PCCB: variants seen among roughly 807,000 people sequenced by gnomAD.
PCCB encodes the protein propionyl-CoA carboxylase beta chain, mitochondrial.
In PCCB, 43 loss-of-function variants were observed where a neutral mutation model predicts 60.7. The observed-to-expected ratio is 0.71, with a 90% confidence interval of 0.55 to 0.91. The LOEUF is 0.91. PCCB is among the 40% of genes least tolerant of loss of function. The probability of loss-of-function intolerance (pLI) is 0.00; values close to 1 mark genes in which losing one functional copy is unlikely to be tolerated. For synonymous variants in PCCB, 276 were observed against 255.9 expected (o/e 1.08, Z -0.75); for missense variants, 766 against 702.8 (o/e 1.09, Z -1.02).
chr3:136,260,881 A>G (rs533638702), intron 4 of PCCB, among the ~76,000 whole-genome samples: 3 of 152,330 alleles, frequency 2.0e-5, no homozygotes, highest in East Asian at 1.9e-4. Context: ...CGTAATTTCA[A>G]AGTAGTCAAA....
At chr3:136,263,295 T>C (rs1030136535) in intron 5 of PCCB, among the ~76,000 whole-genome samples, 7 of 138,128 alleles carry the variant, frequency 5.1e-5, no homozygotes, top group African/African-American at 8.3e-5. Flanking sequence ...TTAGAGACAG[T>C]GTCTTGGTTG....
chr3:136,261,037 C>T (rs925333319), intron 4 of PCCB, among the ~76,000 whole-genome samples: 7 of 152,066 alleles, frequency 4.6e-5, no homozygotes, highest in Admixed American at 2.6e-4. Flanking sequence ...GATCAGCTAG[C>T]GTTAGTAAAG....
intron 6 of PCCB, among the ~76,000 whole-genome samples, chr3:136,288,993 G>T (rs1331034737): frequency 1.3e-5 from 2 of 151,882 alleles, no homozygotes; most frequent in Non-Finnish European, 2.9e-5. Context: ...GTAGAGACAG[G>T]GTTTCACCAT....
At chr3:136,268,804 G>T (rs1274911559) in intron 5 of PCCB, among the ~76,000 whole-genome samples, 1 of 152,112 alleles carries the variant, frequency 6.6e-6, no homozygotes, top group Non-Finnish European at 1.5e-5. Flanking sequence ...GCTGAGATTT[G>T]ATAGGAACTG....
chr3:136,260,594 GAGTATCTT>G, intron 4 of PCCB, 59 bp downstream of exon 4: 1 of 1,380,538 alleles, frequency 7.2e-7, no homozygotes, highest in Non-Finnish European at 1.0e-6. Context: ...AGTGCTTATT[GAGTATCTT>G]TGGGGTACAA....
chr3:136,250,737 GA>G (rs1421885666), intron 1 of PCCB, among the ~76,000 whole-genome samples, 179 bp downstream of exon 1: 1 of 152,262 alleles, frequency 6.6e-6, no homozygotes, highest in Non-Finnish European at 1.5e-5. Context: ...ATAACCAGCA[GA>G]AGCACCTGTG....
At chr3:136,284,483 A>G (rs1007380045) in intron 6 of PCCB, among the ~76,000 whole-genome samples, 2 of 152,164 alleles carry the variant, frequency 1.3e-5, no homozygotes, top group East Asian at 1.9e-4. Flanking sequence ...GAAGTTATAC[A>G]TGAGTAATTA....
At chr3:136,296,188 T>C (rs1048886892) in intron 7 of PCCB, among the ~76,000 whole-genome samples, 8 of 152,256 alleles carry the variant, frequency 5.3e-5, no homozygotes, top group African/African-American at 1.4e-4. Context: ...TGGATAATTA[T>C]TACCACAATC....
intron 6 of PCCB, among the ~76,000 whole-genome samples, chr3:136,290,901 C>A (rs538423956): frequency 6.6e-6 from 1 of 150,838 alleles, no homozygotes; most frequent in Admixed American, 6.6e-5. Context: ...TTTTTTGATC[C>A]ATTTTTTTCT....
intron 10 of PCCB, among the ~76,000 whole-genome samples, chr3:136,321,292 C>T (rs573864950): frequency 3.9e-5 from 6 of 152,310 alleles, no homozygotes; most frequent in Non-Finnish European, 8.8e-5. Flanking sequence ...CACACATGCA[C>T]AGCCTCCATA....
At chr3:136,287,047 AT>A (rs1560012215) in intron 6 of PCCB, among the ~76,000 whole-genome samples, 3 of 151,634 alleles carry the variant, frequency 2.0e-5, no homozygotes, top group East Asian at 1.9e-4. Context: ...AAAAAAAAAA[AT>A]AATAAAAATA....
At chr3:136,287,252 G>A (rs538451103) in intron 6 of PCCB, among the ~76,000 whole-genome samples, 1 of 152,034 alleles carries the variant, frequency 6.6e-6, no homozygotes, top group Non-Finnish European at 1.5e-5. Flanking sequence ...GTGGATTAGC[G>A]TTTCCTGTTT....
At chr3:136,259,697 T>C (rs1343757434) in intron 3 of PCCB, among the ~76,000 whole-genome samples, 2 of 152,242 alleles carry the variant, frequency 1.3e-5, no homozygotes, top group Non-Finnish European at 2.9e-5. Flanking sequence ...TGGAATAATC[T>C]ATAAATCAGA....
chr3:136,324,688 A>G (rs1386585910), intron 10 of PCCB, among the ~76,000 whole-genome samples: 1 of 152,156 alleles, frequency 6.6e-6, no homozygotes, highest in Non-Finnish European at 1.5e-5. Context: ...CATGATTTAA[A>G]GAAATGCCTG....
intron 7 of PCCB, among the ~76,000 whole-genome samples, chr3:136,295,189 T>A (rs1218842300): frequency 6.6e-6 from 1 of 152,188 alleles, no homozygotes; most frequent in Non-Finnish European, 1.5e-5. Flanking sequence ...CTGAGAGATT[T>A]TACAGCAGTG....
chr3:136,293,465 T>C (rs1329958633), intron 6 of PCCB, among the ~76,000 whole-genome samples: 1 of 152,272 alleles, frequency 6.6e-6, no homozygotes, highest in Non-Finnish European at 1.5e-5. Flanking sequence ...CAGCAAGCTC[T>C]GAGTAAGAGC....
At position 136,313,052 on chromosome 3, in the gene PCCB, A is replaced by G. The variant is rs932525516; in HGVS notation, c.967-3889A>G. ...TTCAAATTACACTGAGTATTTTCTC[A>G]TATGTTAGATTGGCTAAAAATAAAA... On this transcript the variant is annotated intron_variant, in intron 9 of 14. Transcript: ENST00000251654. 7.0e-4 allele frequency among the ~76,000 whole-genome samples: 106 copies of G among 152,346 alleles called. 2 individuals carry two copies. The highest frequency in any genetic ancestry group is 2.1e-4 in the Non-Finnish European group (14 of 68,008).
chr3:136,295,527 A>C (rs930406958), intron 7 of PCCB, among the ~76,000 whole-genome samples: 2 of 152,168 alleles, frequency 1.3e-5, no homozygotes, highest in Non-Finnish European at 2.9e-5. Context: ...ATGCCATGCT[A>C]TTGTCTCAGG....
At chr3:136,325,456 A>G (rs1332348996) in intron 10 of PCCB, among the ~76,000 whole-genome samples, 1 of 151,566 alleles carries the variant, frequency 6.6e-6, no homozygotes, top group Non-Finnish European at 1.5e-5. Context: ...CCTGGGTTCA[A>G]GTGATTCTCC....
Sources: gnomAD v4.1 joint callset for allele counts (sites outside exome capture counted in the v4.1 genomes callset) on GRCh38, gnomAD v4.1.1 for gene constraint, MANE v1.5 for transcripts, NCBI Gene and HGNC (gene_info 2026-07-23, HGNC 2026-07-21) for gene names.